The following SLC39A10 variants were observed in gnomAD, a reference collection of about 807,000 sequenced individuals.
SLC39A10 encodes zinc transporter ZIP10.
In SLC39A10, 13 loss-of-function variants were observed where a neutral mutation model predicts 65.1. That is an observed-to-expected ratio of 0.20 (90% CI 0.13 to 0.32). SLC39A10 has a LOEUF of 0.32. SLC39A10 is among the 10% of genes least tolerant of loss of function. SLC39A10 has a pLI of 1.00. For missense variants in SLC39A10, 831 were observed against 1,018.4 expected (o/e 0.82, Z 2.50); for synonymous variants, 321 against 342.2 (o/e 0.94, Z 0.68).
At chr2:195,624,661 G>A (rs1329616737) in intron 2 of SLC39A10, among the ~76,000 whole-genome samples, 2 of 148,422 alleles carry the variant, frequency 1.3e-5, no homozygotes, top group Non-Finnish European at 3.0e-5. Context: ...GATCACCTGA[G>A]GTCAGGAGTT....
At chr2:195,633,598 A>G (rs1434271878) in intron 2 of SLC39A10, among the ~76,000 whole-genome samples, 2 of 152,174 alleles carry the variant, frequency 1.3e-5, no homozygotes, top group East Asian at 3.8e-4. Context: ...AGGTCACAGG[A>G]AAGAACTGAA....
intron 1 of SLC39A10, among the ~76,000 whole-genome samples, chr2:195,669,041 C>T (rs1384107292): frequency 1.3e-5 from 2 of 149,862 alleles, no homozygotes; most frequent in East Asian, 2.0e-4. Context: ...TGCCACTGTG[C>T]TCCAGCCTGG....
At chr2:195,654,658 A>C (rs1465115755), upstream of SLC39A10, among the ~76,000 whole-genome samples, 2 of 152,220 alleles carry the variant, frequency 1.3e-5, no homozygotes, top group Non-Finnish European at 2.9e-5. Flanking sequence ...TTATGAATCA[A>C]GTGAGGTGGC....
chr2:195,737,418 GA>G lies in SLC39A10; in HGVS notation c.*2378del, dbSNP rs1692680669. On this transcript the variant is annotated 3_prime_UTR_variant, in exon 10 of 10. Transcript: ENST00000359634. ...TTCAATCAATCAGCTGTGATTGATT[GA>G]TTATGCTTAGAAATACTATAGTAAC... The G allele has an allele frequency of 6.7e-6, 1 of 148,564 alleles. No homozygotes were observed. Among genetic ancestry groups the G allele is most frequent in the African/African-American group, 2.5e-5 (1 of 40,498 alleles). The allele number at this position is 148,564 out of a possible 1,614,324, so 9.2% of individuals were successfully genotyped here.
chr2:195,714,060 G>A (rs879589498), intron 6 of SLC39A10, among the ~76,000 whole-genome samples: 5 of 151,956 alleles, frequency 3.3e-5, no homozygotes, highest in African/African-American at 4.8e-5. Context: ...CCCAGTAGAT[G>A]GGACTACAGG....
intron 2 of SLC39A10, among the ~76,000 whole-genome samples, chr2:195,633,805 C>T: frequency 6.6e-6 from 1 of 152,130 alleles, no homozygotes; most frequent in Non-Finnish European, 1.5e-5. Flanking sequence ...TGCTTCTTCT[C>T]CTCTTGATGT....
At chr2:195,715,117 G>T (rs1327852226) in intron 6 of SLC39A10, among the ~76,000 whole-genome samples, 1 of 152,062 alleles carries the variant, frequency 6.6e-6, no homozygotes, top group Non-Finnish European at 1.5e-5. Flanking sequence ...AAAACAGCAT[G>T]TATAAAATAA....
In SLC39A10 at chr2:195,737,108, G is replaced by GTAT. The variant is rs1574331965; in HGVS notation, c.*2071_*2073dup. The stretch of plus-strand genomic sequence containing the variant: ...GAAGTTTTATATTCTCTCAAAAATG[G>GTAT]TATTATCTTTCTTTATTTGCTAGAT... On this transcript the variant is annotated 3_prime_UTR_variant, in exon 10 of 10. Transcript: ENST00000359634. 2 of 151,784 alleles carry GTAT rather than the reference G, an allele frequency of 1.3e-5. No homozygotes were observed. Among genetic ancestry groups the GTAT allele is most frequent in the Admixed American group, 1.3e-4 (2 of 15,058 alleles). 9.4% of individuals were successfully genotyped at this position (151,784 alleles called of 1,614,324 possible).
rs548913792 is a variant in SLC39A10, at chr2:195,669,701, G to C, written c.-11-10331G>C. On this transcript the variant is annotated intron_variant, in intron 1 of 9. Transcript: ENST00000359634. ...TCAAAACTACAATCCAAAGCCTATA[G>C]TTAAGGTTTTTGTAGGCTGGGCACG... Among the ~76,000 whole-genome samples the C allele has an allele frequency of 2.6e-5, 4 of 152,238 alleles. No individual in the cohort carries two copies. In the South Asian group the frequency reaches 8.3e-4, roughly 32 times the overall value.
chr2:195,660,658 G>C (rs1689358204), intron 1 of SLC39A10, among the ~76,000 whole-genome samples: 1 of 152,088 alleles, frequency 6.6e-6, no homozygotes, highest in Admixed American at 6.6e-5. Context: ...TTAGCCCCCA[G>C]TTTTCCAAAT....
intron 6 of SLC39A10, among the ~76,000 whole-genome samples, chr2:195,715,542 A>G (rs552927930): frequency 2.1e-4 from 32 of 151,724 alleles, no homozygotes; most frequent in African/African-American, 6.5e-4. Flanking sequence ...AAAAAAAAAA[A>G]AAAAAAGAAA....
intron 2 of SLC39A10, among the ~76,000 whole-genome samples, chr2:195,624,637 A>C (rs914482166): frequency 6.7e-6 from 1 of 149,596 alleles, no homozygotes; most frequent in Non-Finnish European, 1.5e-5. Flanking sequence ...CACTTTGGGA[A>C]GCCGAGGCGG....
intron 9 of SLC39A10, 140 bp from the exon 10 acceptor site, chr2:195,734,743 T>A: frequency 2.5e-6 from 2 of 787,170 alleles, no homozygotes; most frequent in Admixed American, 3.4e-5. Context: ...ATCTGGTGGG[T>A]AGCATTGTGT....
At chr2:195,676,645 C>T (rs1229142399) in intron 1 of SLC39A10, among the ~76,000 whole-genome samples, 1 of 152,172 alleles carries the variant, frequency 6.6e-6, no homozygotes, top group African/African-American at 2.4e-5. Context: ...CTGTTCCACT[C>T]CACTGGCCTA....
At chr2:195,687,898 G>A (rs1460286525) in intron 3 of SLC39A10, among the ~76,000 whole-genome samples, 2 of 152,202 alleles carry the variant, frequency 1.3e-5, no homozygotes, top group African/African-American at 4.8e-5. Flanking sequence ...AGCATTTTGT[G>A]TCAATTAAAA....
chr2:195,664,105 A>C (rs1178041122), intron 1 of SLC39A10, among the ~76,000 whole-genome samples: 1 of 152,184 alleles, frequency 6.6e-6, no homozygotes, highest in Admixed American at 6.5e-5. Flanking sequence ...AAGTTAAATC[A>C]CTGAAATATA....
intron 2 of SLC39A10, among the ~76,000 whole-genome samples, chr2:195,634,257 A>G (rs938222702): frequency 3.9e-5 from 6 of 152,218 alleles, no homozygotes; most frequent in African/African-American, 9.6e-5. Flanking sequence ...GACGCTGGAT[A>G]TATGCCAAGG....
At chr2:195,681,791 A>G (rs768294948) in intron 2 of SLC39A10, among the ~76,000 whole-genome samples, 3 of 152,082 alleles carry the variant, frequency 2.0e-5, no homozygotes, top group African/African-American at 7.2e-5. Context: ...TTGTTGTTCA[A>G]CTTGTCCTCT....
In SLC39A10 at chr2:195,626,273, T is replaced by A. The variant is rs139156855; in HGVS notation, c.-12+20040T>A. 3.3e-3 allele frequency among the ~76,000 whole-genome samples: 508 copies of A among 152,266 alleles called. 7 individuals carry two copies. Among genetic ancestry groups the A allele is most frequent in the Non-Finnish European group, 9.3e-4 (63 of 68,016 alleles). On this transcript the variant is annotated intron_variant, in intron 2 of 2. Transcript: ENST00000458054. ...TTGAGGAGATTAAAAGTCTCTGAGA[T>A]CTTCTTATGTTTTGTGCACTTTATT...
Sources: allele counts gnomAD v4.1 joint callset (sites outside exome capture counted in the v4.1 genomes callset), GRCh38; gene constraint gnomAD v4.1.1; transcripts MANE v1.5; gene names NCBI Gene and HGNC (gene_info 2026-07-23, HGNC 2026-07-21).